MARK1: variants seen among roughly 807,000 people sequenced by gnomAD.
MARK1 encodes microtubule affinity regulating kinase 1, also known as serine/threonine-protein kinase MARK1.
MARK1 carries 40 observed loss-of-function variants against 96.3 expected under a neutral mutation model. That is an observed-to-expected ratio of 0.42 (90% CI 0.32 to 0.54). The LOEUF (loss-of-function observed/expected upper bound fraction) is 0.54. MARK1 is among the 20% of genes least tolerant of loss of function. The pLI is 0.16. For synonymous variants in MARK1, 317 were observed against 341.2 expected, an observed-to-expected ratio of 0.93 and a Z score of 0.78; for missense variants, 719 against 984.6, an observed-to-expected ratio of 0.73 and a Z score of 3.61.
intron 13 of MARK1, among the ~76,000 whole-genome samples, chr1:220,645,879 G>A (rs1280142742): frequency 2.0e-5 from 3 of 152,066 alleles, no homozygotes; most frequent in Non-Finnish European, 4.4e-5. Flanking sequence ...AATAAACTAG[G>A]TATTGAAGGA....
intron 13 of MARK1, among the ~76,000 whole-genome samples, chr1:220,646,710 A>ACAT (rs1395052296): frequency 1.3e-5 from 2 of 152,216 alleles, no homozygotes; most frequent in African/African-American, 4.8e-5. Context: ...ACAGGCATGT[A>ACAT]GACCAATGGA....
chr1:220,606,071 A>G (rs1392708629), intron 6 of MARK1, among the ~76,000 whole-genome samples: 2 of 152,118 alleles, frequency 1.3e-5, no homozygotes, highest in Non-Finnish European at 2.9e-5. Flanking sequence ...CTAGTTCTAG[A>G]TCCTTGAGGA....
Position 220,528,160 on chromosome 1 carries a change from T to C in MARK1, c.-663T>C, listed in dbSNP as rs1156702195. ...CACCCGGCGGCGGCCGCCAAGTGCCTCTGGGCGCTGCGTGCCGCGCCCGCT... is the reference window on the plus strand; with the variant it reads ...CACCCGGCGGCGGCCGCCAAGTGCCCCTGGGCGCTGCGTGCCGCGCCCGCT... On this transcript the variant is annotated 5_prime_UTR_variant, in exon 1 of 18. Transcript: ENST00000366917. 6.7e-6 allele frequency: 1 copy of C among 150,320 alleles called. No homozygotes were observed. The highest frequency in any genetic ancestry group is 2.4e-5 in the African/African-American group (1 of 41,108). 9.3% of individuals were successfully genotyped at this position (150,320 alleles called of 1,614,324 possible).
chr1:220,623,254 C>T (rs1228286252), intron 9 of MARK1, among the ~76,000 whole-genome samples: 3 of 152,044 alleles, frequency 2.0e-5, no homozygotes, highest in African/African-American at 7.2e-5. Context: ...GTTTTTCCCT[C>T]GACTTTTAAC....
chr1:220,602,565 A>G (rs558037802), intron 5 of MARK1, among the ~76,000 whole-genome samples: 2 of 152,248 alleles, frequency 1.3e-5, no homozygotes, highest in African/African-American at 4.8e-5. Context: ...ACTCTTGTAT[A>G]TATCTTTCCT....
At chr1:220,539,686 T>A (rs1440816203) in intron 1 of MARK1, among the ~76,000 whole-genome samples, 1 of 152,200 alleles carries the variant, frequency 6.6e-6, no homozygotes, top group Non-Finnish European at 1.5e-5. Context: ...GATTTTTGTA[T>A]GTTGTGCCAT....
chr1:220,590,525 C>T (rs1353067821), intron 3 of MARK1, among the ~76,000 whole-genome samples: 1 of 152,102 alleles, frequency 6.6e-6, no homozygotes, highest in East Asian at 1.9e-4. Flanking sequence ...CCTTCATTAG[C>T]TCCTTGAATT....
At position 220,536,401 on chromosome 1, in the gene MARK1, CTTTT is replaced by C. The variant is rs377315002; in HGVS notation, c.51+7537_51+7540del. Among the ~76,000 whole-genome samples, 3 of 140,308 alleles carry C rather than the reference CTTTT, an allele frequency of 2.1e-5. No individual in the cohort carries two copies. In the East Asian group the frequency reaches 6.2e-4, roughly 29 times the overall value. 92.0% of individuals were successfully genotyped at this position (140,308 alleles called of 152,430 possible). ...GAGTGTTATTTATATTAGTTGTGGG[CTTTT>C]TTTTTTTTCCCACACAATACATTTT... On this transcript the variant is annotated intron_variant, in intron 1 of 17. Transcript: ENST00000366917.
chr1:220,651,241 C>A (rs183556775), intron 14 of MARK1, among the ~76,000 whole-genome samples: 1 of 152,176 alleles, frequency 6.6e-6, no homozygotes, highest in African/African-American at 2.4e-5. Flanking sequence ...TATCATGAGT[C>A]ACAAGGACTA....
chr1:220,536,023 T>G (rs1369939120), intron 1 of MARK1, among the ~76,000 whole-genome samples: 1 of 152,158 alleles, frequency 6.6e-6, no homozygotes, highest in African/African-American at 2.4e-5. Flanking sequence ...TTTTATACTT[T>G]TTTTTTGTTT....
intron 9 of MARK1, chr1:220,627,232 G>A: frequency 2.1e-6 from 1 of 485,414 alleles, no homozygotes; most frequent in Non-Finnish European, 4.2e-6. Flanking sequence ...CTGTTCCTCT[G>A]ACAAACGAAT....
intron 5 of MARK1, among the ~76,000 whole-genome samples, chr1:220,600,127 G>A (rs1665642539): frequency 6.6e-6 from 1 of 152,030 alleles, no homozygotes; most frequent in African/African-American, 2.4e-5. Context: ...TCTTATAAAT[G>A]TATTGATTCT....
At chr1:220,581,324 A>T (rs1257197560) in intron 3 of MARK1, among the ~76,000 whole-genome samples, 1 of 152,170 alleles carries the variant, frequency 6.6e-6, no homozygotes, top group African/African-American at 2.4e-5. Flanking sequence ...CATGTAGTAT[A>T]TGAAAGAAAT....
At chr1:220,635,327 T>G in intron 11 of MARK1, 49 bp from the exon 12 acceptor site, 1 of 806,996 alleles carries the variant, frequency 1.2e-6, no homozygotes, top group Non-Finnish European at 1.7e-6. Context: ...GTGCAAACTT[T>G]TTTTTTTTTT....
chr1:220,653,138 C>T lies in MARK1; in HGVS notation c.1774C>T (p.His592Tyr), dbSNP rs1341221550. Residue 592 changes from histidine to tyrosine, a missense_variant, in exon 16 of 18, where the codon CAC becomes TAC. Coordinates refer to ENST00000366917, the MANE Select transcript of MARK1 (RefSeq NM_018650.5). ...AGTGCCTGCTGCTTCCCCATCTGCTCACAGTATTAGTACTGCGACTCCAGA... is the reference window on the plus strand; with the variant it reads ...AGTGCCTGCTGCTTCCCCATCTGCTTACAGTATTAGTACTGCGACTCCAGA... ...QRVPAASPSAHSISTATPDRT... is the reference protein window; with the variant it reads ...QRVPAASPSAYSISTATPDRT... The T allele has an allele frequency of 2.5e-6, 4 of 1,614,202 alleles. No individual in the cohort carries two copies. The highest frequency in any genetic ancestry group is 3.4e-6 in the Non-Finnish European group (4 of 1,180,038).
intron 1 of MARK1, among the ~76,000 whole-genome samples, chr1:220,539,751 T>C (rs1420813948): frequency 6.6e-6 from 1 of 152,124 alleles, no homozygotes; most frequent in East Asian, 1.9e-4. Context: ...CCTTCTAATG[T>C]GCCGTTGAAA....
intron 1 of MARK1, among the ~76,000 whole-genome samples, chr1:220,551,262 C>T (rs1454616304): frequency 6.6e-6 from 1 of 152,220 alleles, no homozygotes; most frequent in African/African-American, 2.4e-5. Context: ...GTGAGTGCTG[C>T]TGTGTCTGGC....
At chr1:220,626,617 T>A (rs1051863444) in intron 9 of MARK1, 1 of 364,240 alleles carries the variant, frequency 2.7e-6, no homozygotes, top group Non-Finnish European at 5.4e-6. Context: ...AGGTCAGAAG[T>A]TTGACACCAG....
intron 1 of MARK1, among the ~76,000 whole-genome samples, chr1:220,538,138 A>G (rs1268222707): frequency 6.6e-6 from 1 of 150,610 alleles, no homozygotes; most frequent in African/African-American, 2.4e-5. Flanking sequence ...TGTTTTAGAC[A>G]TGAAGTCCTT....
Sources: gnomAD v4.1 joint callset for allele counts (sites outside exome capture counted in the v4.1 genomes callset) on GRCh38, gnomAD v4.1.1 for gene constraint, MANE v1.5 for transcripts, NCBI Gene and HGNC (gene_info 2026-07-23, HGNC 2026-07-21) for gene names.